Variants in HS6ST3 observed in about 807,000 individuals in gnomAD.
HS6ST3 encodes heparan sulfate 6-O-sulfotransferase 3, also known as heparan-sulfate 6-O-sulfotransferase 3.
HS6ST3 carries 12 observed loss-of-function variants against 36.7 expected under a neutral mutation model. The observed-to-expected ratio is 0.33, with a 90% CI of 0.21 to 0.53. The LOEUF is 0.53. HS6ST3 is among the 20% of genes least tolerant of loss of function. The probability of loss-of-function intolerance (pLI) is 0.95; values close to 1 mark genes in which losing one functional copy is unlikely to be tolerated. For synonymous variants in HS6ST3, 240 were observed against 257.5 expected (o/e 0.93, Z 0.65); for missense variants, 584 against 640.9 (o/e 0.91, Z 0.96).
chr13:96,778,418 C>T (rs1877445165), intron 1 of HS6ST3, among the ~76,000 whole-genome samples: 1 of 152,146 alleles, frequency 6.6e-6, no homozygotes, highest in Non-Finnish European at 1.5e-5. Context: ...TTTTTGCAAT[C>T]TATCCACCTG....
rs543723709 is a variant in HS6ST3, at chr13:96,819,103, T to C, written c.708-13387T>C. 1.0e-3 allele frequency among the ~76,000 whole-genome samples: 156 copies of C among 152,356 alleles called. 1 individual carries two copies. The highest frequency in any genetic ancestry group is 3.5e-3 in the African/African-American group (145 of 41,592). The stretch of plus-strand genomic sequence containing the variant: ...CTAGTAAGTAAAATGAATCAAACAT[T>C]CATTTGCCTTTCCTATGTGAACTCT... On this transcript the variant is annotated intron_variant, in intron 1 of 1. Coordinates refer to ENST00000376705, the MANE Select transcript of HS6ST3 (RefSeq NM_153456.4).
In HS6ST3 at chr13:96,773,488, CG is replaced by C. The variant is rs1429452333; in HGVS notation, c.708-58998del. ...CGACCTGGGACACTCGAGCTTGGTC[CG>C]GGGAGAGGCATCCACCATTACTGAG... is the stretch of plus-strand genomic sequence containing the variant. On this transcript the variant is annotated intron_variant, in intron 1 of 1. Coordinates refer to ENST00000376705, the MANE Select transcript of HS6ST3 (RefSeq NM_153456.4). 6.3e-4 allele frequency among the ~76,000 whole-genome samples: 96 copies of C among 152,156 alleles called. 2 individuals carry two copies. The highest frequency in any genetic ancestry group is 2.2e-3 in the African/African-American group (91 of 41,498).
chr13:96,710,191 G>T (rs990627932), intron 1 of HS6ST3, among the ~76,000 whole-genome samples: 17 of 152,228 alleles, frequency 1.1e-4, no homozygotes, highest in African/African-American at 3.6e-4. Flanking sequence ...TGTAACTCAG[G>T]ATTTTGAAAA....
chr13:96,750,522 G>T (rs1488665930), intron 1 of HS6ST3, among the ~76,000 whole-genome samples: 3 of 152,202 alleles, frequency 2.0e-5, no homozygotes, highest in African/African-American at 7.2e-5. Context: ...CGGGAGGAAT[G>T]TTACTGTGAA....
chr13:96,825,118 G>T (rs1188775194), intron 1 of HS6ST3, among the ~76,000 whole-genome samples: 1 of 152,174 alleles, frequency 6.6e-6, no homozygotes, highest in Non-Finnish European at 1.5e-5. Context: ...TAAAACTGTG[G>T]AGTGTGGAGC....
intron 1 of HS6ST3, among the ~76,000 whole-genome samples, chr13:96,368,512 TAA>T (rs371341835): frequency 0.014 from 1,942 of 138,674 alleles, 13 homozygotes; most frequent in Middle Eastern, 0.045. Flanking sequence ...CTTTTTTTTT[TAA>T]AAAAAAAACA....
chr13:96,315,435 T>C (rs2054963747), intron 1 of HS6ST3, among the ~76,000 whole-genome samples: 1 of 152,312 alleles, frequency 6.6e-6, no homozygotes, highest in South Asian at 2.1e-4. Context: ...TTTTAAACAT[T>C]TTATTTATAT....
At chr13:96,781,817 A>G (rs577113604) in intron 1 of HS6ST3, among the ~76,000 whole-genome samples, 1 of 152,316 alleles carries the variant, frequency 6.6e-6, no homozygotes, top group Non-Finnish European at 1.5e-5. Context: ...GATCATGTTT[A>G]GCTAAAATTG....
intron 1 of HS6ST3, among the ~76,000 whole-genome samples, chr13:96,521,484 C>CT (rs2056093406): frequency 6.6e-6 from 1 of 151,822 alleles, no homozygotes; most frequent in Non-Finnish European, 1.5e-5. Flanking sequence ...TGGTCCTGGA[C>CT]TTTTTTTTGG....
intron 1 of HS6ST3, among the ~76,000 whole-genome samples, chr13:96,754,824 T>G (rs1278226284): frequency 6.6e-6 from 1 of 152,138 alleles, no homozygotes; most frequent in Non-Finnish European, 1.5e-5. Flanking sequence ...AAGTATGGAT[T>G]TCTTTACATT....
chr13:96,202,943 A>G (rs1049225867), intron 1 of HS6ST3, among the ~76,000 whole-genome samples: 4 of 152,182 alleles, frequency 2.6e-5, no homozygotes, highest in Admixed American at 1.3e-4. Context: ...AGAAGGTTCA[A>G]CAGACTCATC....
chr13:96,769,750 G>A (rs1877213194), intron 1 of HS6ST3, among the ~76,000 whole-genome samples: 1 of 149,150 alleles, frequency 6.7e-6, no homozygotes, highest in South Asian at 2.1e-4. Context: ...GTGTGTGTGT[G>A]TGTGTGTGTG....
At chr13:96,772,978 A>C (rs1226389866) in intron 1 of HS6ST3, among the ~76,000 whole-genome samples, 1 of 152,102 alleles carries the variant, frequency 6.6e-6, no homozygotes, top group Non-Finnish European at 1.5e-5. Flanking sequence ...AGGTCATCTC[A>C]CTGGGACTGG....
intron 1 of HS6ST3, among the ~76,000 whole-genome samples, chr13:96,539,674 A>T: frequency 6.6e-6 from 1 of 152,070 alleles, no homozygotes; most frequent in East Asian, 1.9e-4. Flanking sequence ...TTTATTTTTC[A>T]GTAGTTCTTC....
chr13:96,219,051 C>T (rs1175185160), intron 1 of HS6ST3, among the ~76,000 whole-genome samples: 3 of 152,172 alleles, frequency 2.0e-5, no homozygotes. Context: ...CTAGCTGTGA[C>T]CTCTGCCAGT....
rs531844171 is a variant in HS6ST3 at position 96,661,600 on chromosome 13, G to A, written c.708-170890G>A. On this transcript the variant is annotated intron_variant, in intron 1 of 1. Coordinates refer to ENST00000376705, the MANE Select transcript of HS6ST3 (RefSeq NM_153456.4). ...AGAGCATTAGTTCATTTATCTTCACGGTTAATATTGACATGTGAGGTTTTG... is the reference window on the plus strand; with the variant it reads ...AGAGCATTAGTTCATTTATCTTCACAGTTAATATTGACATGTGAGGTTTTG... 3.9e-5 allele frequency among the ~76,000 whole-genome samples: 6 copies of A among 152,078 alleles called. No individual in the cohort carries two copies. The East Asian group carries it at 5.8e-4, about 15-fold the overall frequency.
At chr13:96,513,809 T>C (rs1008492208) in intron 1 of HS6ST3, among the ~76,000 whole-genome samples, 45 of 151,740 alleles carry the variant, frequency 3.0e-4, no homozygotes, top group African/African-American at 1.1e-3. Flanking sequence ...ATGATAGAAG[T>C]GGTTCAGTAG....
chr13:96,275,602 C>T (rs964229266), intron 1 of HS6ST3, among the ~76,000 whole-genome samples: 1 of 152,120 alleles, frequency 6.6e-6, no homozygotes, highest in African/African-American at 2.4e-5. Flanking sequence ...CAGTTACCTA[C>T]ATGATATTAA....
At chr13:96,789,944 A>T (rs1877742718) in intron 1 of HS6ST3, among the ~76,000 whole-genome samples, 2 of 151,880 alleles carry the variant, frequency 1.3e-5, no homozygotes, top group South Asian at 4.1e-4. Context: ...TAAATCTGTA[A>T]GTTTGTTTCC....
Sources: gnomAD v4.1 joint callset for allele counts (sites outside exome capture counted in the v4.1 genomes callset) on GRCh38, gnomAD v4.1.1 for gene constraint, MANE v1.5 for transcripts, NCBI Gene and HGNC (gene_info 2026-07-23, HGNC 2026-07-21) for gene names.